SFMBT2: variants seen among roughly 807,000 people sequenced by gnomAD.
SFMBT2 encodes scm-like with four MBT domains protein 2.
A neutral mutation model predicts 110.1 loss-of-function variants in SFMBT2; 38 were observed. That is an observed-to-expected ratio of 0.35 (90% CI 0.27 to 0.45). The LOEUF (loss-of-function observed/expected upper bound fraction) is 0.45, where lower values mean the gene tolerates loss of function less well. Among genes scored for constraint, SFMBT2 ranks in the 20% least tolerant of loss-of-function variants. SFMBT2 has a pLI of 1.00. For synonymous variants in SFMBT2, 425 were observed against 425.4 expected, an observed-to-expected ratio of 1.00 and a Z score of 0.01; for missense variants, 1,011 against 1,094.9, an observed-to-expected ratio of 0.92 and a Z score of 1.08.
intron 4 of SFMBT2, among the ~76,000 whole-genome samples, chr10:7,329,075 G>A (rs7072922): frequency 0.21 from 32,214 of 152,122 alleles, 3,729 homozygotes; most frequent in East Asian, 0.31. Flanking sequence ...ATGAGCATGT[G>A]GCTCGTTATT....
chr10:7,185,504 A>G (rs1245635790), intron 16 of SFMBT2, among the ~76,000 whole-genome samples: 2 of 151,888 alleles, frequency 1.3e-5, no homozygotes, highest in African/African-American at 2.4e-5. Flanking sequence ...ACTGCTTATG[A>G]AAAAAAAGAA....
At chr10:7,193,834 CG>C (rs2131587288) in intron 15 of SFMBT2, among the ~76,000 whole-genome samples, 1 of 152,306 alleles carries the variant, frequency 6.6e-6, no homozygotes, top group Admixed American at 6.5e-5. Context: ...ACGCAACAGC[CG>C]ACAAGACCCT....
chr10:7,190,817 G>T (rs1313538115), intron 15 of SFMBT2, among the ~76,000 whole-genome samples: 1 of 152,122 alleles, frequency 6.6e-6, no homozygotes, highest in Non-Finnish European at 1.5e-5. Context: ...ATATGGTTTG[G>T]CTGTGACCCC....
chr10:7,344,466 T>C (rs201279865), intron 4 of SFMBT2, among the ~76,000 whole-genome samples: 119 of 152,208 alleles, frequency 7.8e-4, no homozygotes, highest in African/African-American at 2.7e-3. Flanking sequence ...GCCTTTCTCC[T>C]CCTTTGCCTT....
At chr10:7,349,440 C>CTTTCTTTTTTT (rs1844233488) in intron 4 of SFMBT2, among the ~76,000 whole-genome samples, 1 of 46,888 alleles carries the variant, frequency 2.1e-5, no homozygotes, top group Non-Finnish European at 3.5e-5. Context: ...CTTTTCTTTT[C>CTTTCTTTTTTT]TTTTTTTTTT....
intron 4 of SFMBT2, among the ~76,000 whole-genome samples, chr10:7,336,693 T>C (rs1446924670): frequency 2.0e-5 from 3 of 151,746 alleles, no homozygotes; most frequent in Non-Finnish European, 4.4e-5. Context: ...ATCAGAGAGA[T>C]CCGGATAGTG....
chr10:7,232,161 G>C (rs566379828), intron 9 of SFMBT2, among the ~76,000 whole-genome samples: 85 of 152,268 alleles, frequency 5.6e-4, no homozygotes, highest in African/African-American at 2.0e-3. Context: ...TCTGAATGAA[G>C]TTTCAACCCT....
chr10:7,163,719 C>A lies in SFMBT2; in HGVS notation c.*51G>T. ...AAATCAAAGTTTCAGTCCTGGAAAC[C>A]TTTACCAACACCGCATCCCAGCAAT... On this transcript the variant is annotated 3_prime_UTR_variant, in exon 21 of 21. Coordinates refer to ENST00000397167, the MANE Select transcript of SFMBT2 (RefSeq NM_001387889.1). The surrounding 1 kb of genome is among the most constrained non-coding windows in gnomAD (Gnocchi z 4.8). 1.3e-6 allele frequency: 2 copies of A among 1,548,314 alleles called. No homozygotes were observed. The highest frequency in any genetic ancestry group is 1.8e-6 in the Non-Finnish European group (2 of 1,125,924).
chr10:7,330,906 G>A (rs552732603), intron 4 of SFMBT2, among the ~76,000 whole-genome samples: 70 of 152,310 alleles, frequency 4.6e-4, no homozygotes, highest in African/African-American at 1.6e-3. Context: ...CCATGGTAGC[G>A]TCCTCCCTGG....
chr10:7,258,541 C>A (rs1841102231), intron 7 of SFMBT2, among the ~76,000 whole-genome samples: 1 of 152,176 alleles, frequency 6.6e-6, no homozygotes, highest in Non-Finnish European at 1.5e-5. Context: ...TCAAGGCCTC[C>A]ATTAATCTGC....
intron 4 of SFMBT2, among the ~76,000 whole-genome samples, chr10:7,358,702 G>A (rs1367091486): frequency 6.6e-6 from 1 of 150,978 alleles, no homozygotes; most frequent in East Asian, 1.9e-4. Flanking sequence ...GAGGCATGGT[G>A]GCTCTGGAAT....
intron 17 of SFMBT2, among the ~76,000 whole-genome samples, chr10:7,174,576 G>A (rs553720318): frequency 4.6e-5 from 7 of 152,322 alleles, no homozygotes; most frequent in East Asian, 1.9e-4. Flanking sequence ...TATGAGATCC[G>A]GAGACATCTC....
At chr10:7,323,130 T>C (rs1843248770) in intron 4 of SFMBT2, among the ~76,000 whole-genome samples, 1 of 152,186 alleles carries the variant, frequency 6.6e-6, no homozygotes, top group African/African-American at 2.4e-5. Context: ...ATACTAACTA[T>C]GATTTATGGT....
chr10:7,173,118 A>G (rs1837941945), intron 17 of SFMBT2, among the ~76,000 whole-genome samples: 1 of 152,216 alleles, frequency 6.6e-6, no homozygotes, highest in Non-Finnish European at 1.5e-5. Flanking sequence ...TTGGACTTCC[A>G]GCTTCCAGGA....
chr10:7,265,532 T>G (rs567286860), intron 7 of SFMBT2, among the ~76,000 whole-genome samples: 5 of 152,260 alleles, frequency 3.3e-5, no homozygotes, highest in Admixed American at 2.0e-4. Flanking sequence ...CAATGAGGAA[T>G]TGAAATTAAT....
rs1241677286 is a variant in SFMBT2, at chr10:7,205,920, T to A, written c.1339A>T (p.Thr447Ser). 1.2e-6 allele frequency: 2 copies of A among 1,613,646 alleles called. No individual in the cohort carries two copies. The highest frequency in any genetic ancestry group is 1.7e-5 in the Admixed American group (1 of 59,960). The change falls in exon 12 of 21, where the codon ACT becomes TCT. Residue 447 changes from threonine to serine, a missense_variant. Thr to Ser is a moderately conservative substitution (Grantham distance 58). Coordinates refer to ENST00000397167, the MANE Select transcript of SFMBT2 (RefSeq NM_001387889.1). Reference protein sequence around the residue: ...LMWLHLEGLQTPVPEVIVDVE... With the variant: ...LMWLHLEGLQSPVPEVIVDVE... The stretch of plus-strand genomic sequence containing the variant: ...TCAACAATGACCTCTGGAACAGGAG[T>A]CTGCAGCCCTGCATGGGAAGAAGTT...
At chr10:7,275,399 C>G (rs1239569360) in intron 7 of SFMBT2, among the ~76,000 whole-genome samples, 1 of 152,048 alleles carries the variant, frequency 6.6e-6, no homozygotes, top group East Asian at 1.9e-4. Context: ...GGTGGCAGAG[C>G]TGAGAGGTCC....
rs141957581 is a variant in SFMBT2 at position 7,194,713 on chromosome 10, C to T, written c.1698+2835G>A. ...GCACTCACAGAACTGAAGCACTCAC[C>T]TACTTTTTTGTTTTGTTTTGTTTTT... On this transcript the variant is annotated intron_variant, in intron 15 of 20. Coordinates refer to ENST00000397167, the MANE Select transcript of SFMBT2 (RefSeq NM_001387889.1). 1.2e-4 allele frequency among the ~76,000 whole-genome samples: 19 copies of T among 152,338 alleles called. No individual in the cohort carries two copies. The East Asian group carries it at 3.5e-3, about 28-fold the overall frequency.
At chr10:7,306,219 C>G (rs955270096) in intron 4 of SFMBT2, among the ~76,000 whole-genome samples, 1 of 152,234 alleles carries the variant, frequency 6.6e-6, no homozygotes, top group African/African-American at 2.4e-5. Context: ...TGCTCTCCGG[C>G]AGGCTTCAGT....
Sources: gnomAD v4.1 joint callset for allele counts (sites outside exome capture counted in the v4.1 genomes callset) on GRCh38, gnomAD v4.1.1 for gene constraint, Gnocchi (gnomAD v3.1) non-coding constraint, MANE v1.5 for transcripts, NCBI Gene and HGNC (gene_info 2026-07-23, HGNC 2026-07-21) for gene names.